USP13: variants seen among roughly 807,000 people sequenced by gnomAD.
USP13 encodes ubiquitin specific peptidase 13.
USP13 carries 68 observed loss-of-function variants against 107.8 expected under a neutral mutation model. That is an observed-to-expected ratio of 0.63 (90% CI 0.52 to 0.77). The LOEUF (loss-of-function observed/expected upper bound fraction) is 0.77, where lower values mean the gene tolerates loss of function less well. Among genes scored for constraint, USP13 ranks in the 30% least tolerant of loss-of-function variants. The pLI, the probability that USP13 is intolerant of heterozygous loss-of-function variation, is 0.00. For synonymous variants in USP13, 377 were observed against 389.5 expected (o/e 0.97, Z 0.38); for missense variants, 945 against 1,093.3 (o/e 0.86, Z 1.91).
intron 8 of USP13, among the ~76,000 whole-genome samples, chr3:179,722,065 CAAA>C (rs113098896): frequency 0.43 from 55,267 of 127,524 alleles, 12,575 homozygotes; most frequent in Non-Finnish European, 0.56. Context: ...GAATCTGTCT[CAAA>C]AAAAAAAAAA....
In USP13 at chr3:179,678,860, C is replaced by T. The variant is rs1711554029; in HGVS notation, c.169-3018C>T. Among the ~76,000 whole-genome samples, 1 of 152,168 alleles carries T rather than the reference C, an allele frequency of 6.6e-6. No homozygotes were observed. The highest frequency in any genetic ancestry group is 2.1e-4 in the South Asian group (1 of 4,828). ...GATCTTGCTAAATTCACTTATTGCT[C>T]TTACTAGTTGTTATTTTCACTAGTG... On this transcript the variant is annotated intron_variant, in intron 1 of 20. Coordinates refer to ENST00000263966, the MANE Select transcript of USP13 (RefSeq NM_003940.3). The surrounding 1 kb of genome is among the most constrained non-coding windows in gnomAD (Gnocchi z 4.2).
chr3:179,739,477 C>T (rs1404937325), intron 10 of USP13, among the ~76,000 whole-genome samples: 1 of 152,222 alleles, frequency 6.6e-6, no homozygotes, highest in Non-Finnish European at 1.5e-5. Context: ...GTGCTCCATT[C>T]TTCAGGAGGG....
chr3:179,763,743 G>A (rs1308537770), intron 17 of USP13, among the ~76,000 whole-genome samples: 1 of 152,044 alleles, frequency 6.6e-6, no homozygotes, highest in Non-Finnish European at 1.5e-5. Context: ...GCACCACCAT[G>A]CCCTGCTAAT....
At chr3:179,707,323 T>C (rs890755212) in intron 5 of USP13, among the ~76,000 whole-genome samples, 1 of 152,036 alleles carries the variant, frequency 6.6e-6, no homozygotes, top group Non-Finnish European at 1.5e-5. Flanking sequence ...ACGCTTTGCA[T>C]GAGAGCTTTT....
intron 1 of USP13, among the ~76,000 whole-genome samples, chr3:179,666,059 T>G (rs1330888309): frequency 6.6e-6 from 1 of 152,118 alleles, no homozygotes; most frequent in Non-Finnish European, 1.5e-5. Context: ...GGGACCAACT[T>G]GGCTTGTATG....
intron 6 of USP13, among the ~76,000 whole-genome samples, chr3:179,712,716 T>C (rs1220199575): frequency 6.6e-6 from 1 of 152,156 alleles, no homozygotes; most frequent in East Asian, 1.9e-4. Context: ...TCTAGTTATT[T>C]CTTTAGAATA....
At chr3:179,677,761 T>G (rs1711520309) in intron 1 of USP13, among the ~76,000 whole-genome samples, 1 of 152,128 alleles carries the variant, frequency 6.6e-6, no homozygotes, top group African/African-American at 2.4e-5. Context: ...TTCTTCTGAT[T>G]GCTAATTTCT....
chr3:179,782,825 A>G (rs772927032), intron 20 of USP13, among the ~76,000 whole-genome samples: 1 of 152,164 alleles, frequency 6.6e-6, no homozygotes, highest in African/African-American at 2.4e-5. Flanking sequence ...AGCTCATTAC[A>G]ACCTCCGCCT....
chr3:179,701,596 C>A (rs1397739271), intron 4 of USP13, among the ~76,000 whole-genome samples: 1 of 152,206 alleles, frequency 6.6e-6, no homozygotes, highest in Non-Finnish European at 1.5e-5. Flanking sequence ...ACTGCTGAAA[C>A]AATAGCGACG....
intron 13 of USP13, among the ~76,000 whole-genome samples, chr3:179,746,612 A>G (rs966065399): frequency 2.5e-4 from 38 of 151,932 alleles, no homozygotes; most frequent in Admixed American, 4.6e-4. Context: ...TTGTATTTTT[A>G]GTAGAGATGG....
At chr3:179,696,434 G>T (rs1056983876) in intron 3 of USP13, among the ~76,000 whole-genome samples, 11 of 150,370 alleles carry the variant, frequency 7.3e-5, no homozygotes, top group African/African-American at 2.4e-4. Flanking sequence ...GGGTTCAAGC[G>T]ATTCTCCTGC....
chr3:179,760,236 G>A (rs766971845), intron 16 of USP13, among the ~76,000 whole-genome samples: 3 of 150,170 alleles, frequency 2.0e-5, no homozygotes, highest in Non-Finnish European at 3.0e-5. Context: ...GAAAACAAAA[G>A]CCTCTGTATC....
intron 1 of USP13, among the ~76,000 whole-genome samples, chr3:179,667,883 G>T (rs978442195): frequency 6.6e-6 from 1 of 152,158 alleles, no homozygotes; most frequent in Non-Finnish European, 1.5e-5. Context: ...CCTGACCTCA[G>T]GTGATCTGGC....
chr3:179,752,768 G>T (rs1284241694), intron 14 of USP13, among the ~76,000 whole-genome samples: 1 of 152,234 alleles, frequency 6.6e-6, no homozygotes, highest in Non-Finnish European at 1.5e-5. Context: ...GATGCTGTTG[G>T]TGCTGCTGGC....
At chr3:179,660,395 C>T (rs1720423769) in intron 1 of USP13, among the ~76,000 whole-genome samples, 1 of 152,210 alleles carries the variant, frequency 6.6e-6, no homozygotes, top group Admixed American at 6.5e-5. Flanking sequence ...CCTTTCGTGT[C>T]TGGCTTATTT....
intron 6 of USP13, among the ~76,000 whole-genome samples, chr3:179,715,376 T>TTG (rs1481362822): frequency 1.3e-5 from 2 of 150,596 alleles, no homozygotes; most frequent in Admixed American, 1.3e-4. Context: ...TCTTTTTTTT[T>TTG]TTTTTTGAGA....
In USP13 at chr3:179,745,218, G is replaced by A. The variant is rs755556027; in HGVS notation, c.1709+1G>A. 2.7e-6 allele frequency: 4 copies of A among 1,470,572 alleles called. No homozygotes were observed. Among genetic ancestry groups the A allele is most frequent in the Non-Finnish European group, 3.7e-6 (4 of 1,090,790 alleles). 91.1% of individuals were successfully genotyped at this position (1,470,572 alleles called of 1,614,324 possible). ...TACAAGCAAAGTCTGCGGGTGTGAA[G>A]TAAGTGTGTGTATATGTGGTGGCAG... On this transcript the variant is annotated splice_donor_variant, in intron 13 of 20. Transcript: ENST00000263966. LOFTEE classifies it high-confidence loss of function.
intron 3 of USP13, among the ~76,000 whole-genome samples, chr3:179,697,565 T>C (rs73885906): frequency 0.011 from 1,643 of 152,268 alleles, 32 homozygotes; most frequent in African/African-American, 0.037. Flanking sequence ...TTTTTAAACT[T>C]AGAGAAGGCT....
At position 179,732,197 on chromosome 3, in the gene USP13, G is replaced by A. The variant is rs984855993; in HGVS notation, c.1254+1488G>A. On this transcript the variant is annotated intron_variant, in intron 10 of 20. Transcript: ENST00000263966. ...GATAGCAAGGTCCTTATCCACCAGA[G>A]GCTGGAAGGCTCCCATCTGAGATAC... 3.9e-5 allele frequency among the ~76,000 whole-genome samples: 6 copies of A among 152,332 alleles called. 1 individual carries two copies. Among genetic ancestry groups the A allele is most frequent in the African/African-American group, 2.4e-5 (1 of 41,568 alleles).
Sources: gnomAD v4.1 joint callset for allele counts (sites outside exome capture counted in the v4.1 genomes callset) on GRCh38, gnomAD v4.1.1 for gene constraint, Gnocchi (gnomAD v3.1) non-coding constraint, MANE v1.5 for transcripts, NCBI Gene and HGNC (gene_info 2026-07-23, HGNC 2026-07-21) for gene names.